The following COMMD1 variants were observed in gnomAD, a reference collection of about 807,000 sequenced individuals.
The protein encoded by COMMD1 is copper metabolism domain containing 1, also known as COMM domain-containing protein 1.
COMMD1 carries 10 observed loss-of-function variants against 17.2 expected under a neutral mutation model. The observed-to-expected ratio is 0.58, with a 90% CI of 0.36 to 0.99. COMMD1 has a LOEUF of 0.99. Ranked by LOEUF, COMMD1 falls within the 50% of genes least tolerant of loss-of-function variation. The pLI is 0.01. For synonymous variants in COMMD1, 97 were observed against 91.6 expected (o/e 1.06, Z -0.34); for missense variants, 270 against 231.8 (o/e 1.17, Z -1.07).
At chr2:62,135,245 G>A (rs902164424) in intron 2 of COMMD1, among the ~76,000 whole-genome samples, 2 of 152,116 alleles carry the variant, frequency 1.3e-5, no homozygotes, top group Non-Finnish European at 2.9e-5. Context: ...AATTATTAGA[G>A]GATCCAATGA....
At position 61,938,878 on chromosome 2, in the gene COMMD1, A is replaced by C. The variant is rs896522534; in HGVS notation, c.180+33020A>C. Among the ~76,000 whole-genome samples the C allele has an allele frequency of 3.0e-4, 46 of 152,238 alleles. 1 individual carries two copies. Among genetic ancestry groups the C allele is most frequent in the Non-Finnish European group, 6.6e-4 (45 of 68,040 alleles). ...AAAGAGTATTTGTATGTCAGAACAGAAAAAGGAACCTCTTCCATTAGGGCA... is the reference window on the plus strand; with the variant it reads ...AAAGAGTATTTGTATGTCAGAACAGCAAAAGGAACCTCTTCCATTAGGGCA... On this transcript the variant is annotated intron_variant, in intron 1 of 2. Coordinates refer to ENST00000311832, the MANE Select transcript of COMMD1 (RefSeq NM_152516.4).
At chr2:61,891,314 C>G (rs1332435765) in intron 1 of COMMD1, among the ~76,000 whole-genome samples, 1 of 152,096 alleles carries the variant, frequency 6.6e-6, no homozygotes, top group Non-Finnish European at 1.5e-5. Context: ...ACAAACATTT[C>G]TTTTTCTGTG....
intron 2 of COMMD1, among the ~76,000 whole-genome samples, chr2:62,131,614 C>T (rs919845150): frequency 6.6e-5 from 10 of 152,140 alleles, no homozygotes; most frequent in African/African-American, 2.4e-4. Context: ...ATGATCTTGG[C>T]TCACTGCAAC....
chr2:61,984,995 G>C (rs1672063913), intron 1 of COMMD1, among the ~76,000 whole-genome samples: 1 of 146,838 alleles, frequency 6.8e-6, no homozygotes, highest in Non-Finnish European at 1.5e-5. Context: ...GTTTCTATTT[G>C]CCTGGAATAT....
intron 2 of COMMD1, among the ~76,000 whole-genome samples, chr2:62,129,582 A>G (rs79083772): frequency 8.5e-4 from 129 of 152,284 alleles, no homozygotes; most frequent in Middle Eastern, 3.4e-3. Flanking sequence ...TGGTGAACAC[A>G]GGTTTACTTA....
chr2:61,974,410 A>G (rs1173355645), intron 1 of COMMD1, among the ~76,000 whole-genome samples: 4 of 152,066 alleles, frequency 2.6e-5, no homozygotes, highest in African/African-American at 9.7e-5. Context: ...TCGGTGGCTC[A>G]CGCCTGTAAT....
At chr2:61,893,424 T>G (rs1198546953) in intron 1 of COMMD1, among the ~76,000 whole-genome samples, 2 of 150,372 alleles carry the variant, frequency 1.3e-5, no homozygotes, top group Non-Finnish European at 3.0e-5. Flanking sequence ...CAAAGGAGGG[T>G]GCTGGCAAAC....
At position 62,100,772 on chromosome 2, in the gene COMMD1, T is replaced by C. The variant is rs557521756; in HGVS notation, c.463-35059T>C. Among the ~76,000 whole-genome samples the C allele has an allele frequency of 7.2e-5, 11 of 152,272 alleles. No homozygotes were observed. In the South Asian group the frequency reaches 1.5e-3, roughly 20 times the overall value. On this transcript the variant is annotated intron_variant, in intron 2 of 2. Coordinates refer to ENST00000311832, the MANE Select transcript of COMMD1 (RefSeq NM_152516.4). ...GAAAAATATTTCCTATTCGGATCTT[T>C]AAAAGGTACTAGACTTTAGCTAATC...
At chr2:61,942,026 T>C (rs369604343) in intron 1 of COMMD1, among the ~76,000 whole-genome samples, 1 of 152,234 alleles carries the variant, frequency 6.6e-6, no homozygotes, top group South Asian at 2.1e-4. Context: ...CAGTTTTTCC[T>C]TTATTTTAAA....
intron 2 of COMMD1, among the ~76,000 whole-genome samples, chr2:62,047,173 G>A (rs1411968677): frequency 6.6e-6 from 1 of 152,158 alleles, no homozygotes; most frequent in Non-Finnish European, 1.5e-5. Flanking sequence ...ACACAGTCAT[G>A]TATCCCATAA....
At chr2:62,016,206 C>CTTT (rs769583167) in intron 2 of COMMD1, among the ~76,000 whole-genome samples, 16 of 112,256 alleles carry the variant, frequency 1.4e-4, no homozygotes, top group South Asian at 5.7e-4. Context: ...CTTTTCTTTT[C>CTTT]TTTTTTTTTT....
At chr2:61,956,084 G>A (rs1310822464) in intron 1 of COMMD1, among the ~76,000 whole-genome samples, 3 of 152,182 alleles carry the variant, frequency 2.0e-5, no homozygotes, top group Non-Finnish European at 2.9e-5. Flanking sequence ...TGGTATTACC[G>A]TTTCATGAGG....
intron 2 of COMMD1, among the ~76,000 whole-genome samples, chr2:62,074,883 G>GTTTTT (rs570489051): frequency 1.2e-4 from 13 of 110,502 alleles, no homozygotes; most frequent in Admixed American, 1.9e-4. Context: ...TGTTTGTGTG[G>GTTTTT]TTTTTTTTTT....
chr2:62,007,685 T>C (rs1669159090), intron 2 of COMMD1, among the ~76,000 whole-genome samples: 1 of 152,210 alleles, frequency 6.6e-6, no homozygotes, highest in Admixed American at 6.5e-5. Flanking sequence ...CAATAGGCTA[T>C]ACCATATAAC....
chr2:62,003,410 G>A (rs1165709860), intron 2 of COMMD1, among the ~76,000 whole-genome samples: 8 of 149,720 alleles, frequency 5.3e-5, no homozygotes, highest in Non-Finnish European at 8.9e-5. Flanking sequence ...GCGTGGTGGC[G>A]GGCGCCTGTA....
chr2:62,064,267 G>C (rs1670964020), intron 2 of COMMD1, among the ~76,000 whole-genome samples: 1 of 151,980 alleles, frequency 6.6e-6, no homozygotes, highest in Non-Finnish European at 1.5e-5. Context: ...TCCACCTCCT[G>C]GGTTCAAGTG....
intron 2 of COMMD1, among the ~76,000 whole-genome samples, chr2:62,006,378 C>A (rs116687013): frequency 0.016 from 2,451 of 151,368 alleles, 46 homozygotes; most frequent in African/African-American, 0.04. Flanking sequence ...AATTGGAAGC[C>A]AAGTACATAC....
At chr2:61,939,870 C>G (rs1378780480) in intron 1 of COMMD1, among the ~76,000 whole-genome samples, 1 of 152,208 alleles carries the variant, frequency 6.6e-6, no homozygotes, top group African/African-American at 2.4e-5. Flanking sequence ...AATCTAGCAG[C>G]TCCTCAGATA....
intron 2 of COMMD1, among the ~76,000 whole-genome samples, chr2:62,061,023 TC>T (rs1309613973): frequency 2.6e-5 from 4 of 152,186 alleles, no homozygotes; most frequent in Non-Finnish European, 5.9e-5. Context: ...CTTTTTTACC[TC>T]AGATATATTT....
Sources: allele counts gnomAD v4.1 joint callset (sites outside exome capture counted in the v4.1 genomes callset), GRCh38; gene constraint gnomAD v4.1.1; transcripts MANE v1.5; gene names NCBI Gene and HGNC (gene_info 2026-07-23, HGNC 2026-07-21).